Variants in PLD1 observed in about 807,000 individuals in gnomAD.
PLD1 encodes choline phosphatase 1.
PLD1 carries 112 observed loss-of-function variants against 137.1 expected under a neutral mutation model. That is an observed-to-expected ratio of 0.82 (90% CI 0.70 to 0.96). PLD1 has a LOEUF of 0.96. Among genes scored for constraint, PLD1 ranks in the 40% least tolerant of loss-of-function variants. PLD1 has a pLI of 0.00. For missense variants in PLD1, 1,321 were observed against 1,342.0 expected (o/e 0.98, Z 0.24); for synonymous variants, 431 against 454.7 (o/e 0.95, Z 0.66).
chr3:171,781,070 A>T (rs1722778801), intron 1 of PLD1, among the ~76,000 whole-genome samples: 2 of 152,224 alleles, frequency 1.3e-5, no homozygotes, highest in South Asian at 4.1e-4. Context: ...AAGACATCGT[A>T]GTAAGTCTAT....
chr3:171,618,347 T>G (rs1478096659), intron 24 of PLD1, among the ~76,000 whole-genome samples: 1 of 152,240 alleles, frequency 6.6e-6, no homozygotes, highest in Non-Finnish European at 1.5e-5. Context: ...AAAACTAATT[T>G]GTATTTATAC....
intron 11 of PLD1, among the ~76,000 whole-genome samples, chr3:171,701,267 T>C (rs1716213702): frequency 6.6e-6 from 1 of 152,148 alleles, no homozygotes; most frequent in Non-Finnish European, 1.5e-5. Flanking sequence ...TCAAAGGTAA[T>C]CTATGTCCAA....
At chr3:171,607,947 C>T (rs569292505) in intron 25 of PLD1, among the ~76,000 whole-genome samples, 127 of 152,184 alleles carry the variant, frequency 8.3e-4, no homozygotes, top group Non-Finnish European at 1.3e-3. Flanking sequence ...TGGAGTGAAA[C>T]TGCATTTTTT....
intron 23 of PLD1, among the ~76,000 whole-genome samples, chr3:171,637,932 G>A (rs1019079215): frequency 1.2e-4 from 18 of 152,072 alleles, no homozygotes; most frequent in African/African-American, 4.3e-4. Context: ...TGTAATCCCA[G>A]CACTTTGGGA....
Position 171,643,677 on chromosome 3 carries a change from T to C in PLD1, c.2544-788A>G, listed in dbSNP as rs776374814. Among the ~76,000 whole-genome samples the C allele has an allele frequency of 1.2e-3, 180 of 152,182 alleles. 3 individuals carry two copies. Among genetic ancestry groups the C allele is most frequent in the Admixed American group, 3.1e-3 (48 of 15,280 alleles). ...AATTAACAATATTACAAAAATAATATTAGAATGGCGAATGAAATTGATAAA... is the reference window on the plus strand; with the variant it reads ...AATTAACAATATTACAAAAATAATACTAGAATGGCGAATGAAATTGATAAA... On this transcript the variant is annotated intron_variant, in intron 22 of 26. Coordinates refer to ENST00000351298, the MANE Select transcript of PLD1 (RefSeq NM_002662.5).
intron 19 of PLD1, among the ~76,000 whole-genome samples, chr3:171,667,972 G>T (rs914878006): frequency 6.6e-6 from 1 of 152,116 alleles, no homozygotes; most frequent in Non-Finnish European, 1.5e-5. Context: ...CGCTGGTTTC[G>T]AACTCCTGAC....
intron 1 of PLD1, among the ~76,000 whole-genome samples, chr3:171,744,788 A>G (rs947110703): frequency 2.6e-5 from 4 of 152,274 alleles, no homozygotes; most frequent in African/African-American, 9.6e-5. Context: ...GTATGTCATT[A>G]GGATACTTCT....
At chr3:171,618,798 C>T (rs925203865) in intron 24 of PLD1, among the ~76,000 whole-genome samples, 3 of 129,000 alleles carry the variant, frequency 2.3e-5, no homozygotes, top group South Asian at 2.3e-4. Flanking sequence ...TGGCTATAGA[C>T]GAGGAGATAA....
At chr3:171,687,152 G>A (rs981195230) in intron 15 of PLD1, among the ~76,000 whole-genome samples, 4 of 152,174 alleles carry the variant, frequency 2.6e-5, no homozygotes, top group African/African-American at 7.2e-5. Flanking sequence ...AATCGTGGTC[G>A]TTATGACTTT....
chr3:171,621,839 T>A (rs1733664275), intron 23 of PLD1, among the ~76,000 whole-genome samples: 1 of 152,204 alleles, frequency 6.6e-6, no homozygotes, highest in African/African-American at 2.4e-5. Context: ...CCATTTCCTT[T>A]TTTAAGCCCC....
intron 13 of PLD1, among the ~76,000 whole-genome samples, chr3:171,691,991 T>C (rs1190889581): frequency 2.0e-5 from 3 of 152,216 alleles, no homozygotes; most frequent in African/African-American, 7.2e-5. Flanking sequence ...TCAGGGGATG[T>C]CACAGGGAGA....
Position 171,747,137 on chromosome 3 carries a change from GAAACTCCAAGCACATCAGAAGGAAC to G in PLD1, c.-31-9080_-31-9056del, listed in dbSNP as rs1370679187. On this transcript the variant is annotated intron_variant, in intron 1 of 26. Coordinates refer to ENST00000351298, the MANE Select transcript of PLD1 (RefSeq NM_002662.5). ...GAGACCACGAACCCACCAGAAGGAAGAAACTCCAAGCACATCAGAAGGAACAAACTCCGGACACACCATCTTTAAG... is the reference window on the plus strand; with the variant it reads ...GAGACCACGAACCCACCAGAAGGAAGAAACTCCGGACACACCATCTTTAAG... Among the ~76,000 whole-genome samples, 23 of 152,274 alleles carry G rather than the reference GAAACTCCAAGCACATCAGAAGGAAC, an allele frequency of 1.5e-4. 1 individual carries two copies. The highest frequency in any genetic ancestry group is 5.8e-4 in the East Asian group (3 of 5,184).
At chr3:171,628,131 A>C (rs1298594258) in intron 23 of PLD1, among the ~76,000 whole-genome samples, 3 of 151,044 alleles carry the variant, frequency 2.0e-5, no homozygotes, top group African/African-American at 7.4e-5. Context: ...AATAAAGAAG[A>C]AAAGAGAGAA....
At chr3:171,747,997 G>C (rs2108285100) in intron 1 of PLD1, among the ~76,000 whole-genome samples, 1 of 152,290 alleles carries the variant, frequency 6.6e-6, no homozygotes, top group East Asian at 1.9e-4. Context: ...ACAATAGATA[G>C]ATTAAAATTT....
chr3:171,640,955 T>C (rs1410793695), intron 23 of PLD1, among the ~76,000 whole-genome samples: 3 of 152,244 alleles, frequency 2.0e-5, no homozygotes, highest in African/African-American at 4.8e-5. Flanking sequence ...ATACCAGGTT[T>C]TTTAAAAAGT....
At chr3:171,734,994 C>A in intron 4 of PLD1, 24 bp from the exon 5 acceptor site, 2 of 1,257,448 alleles carry the variant, frequency 1.6e-6, no homozygotes, top group Non-Finnish European at 2.3e-6. Context: ...ACACAGAATG[C>A]AAACACCTAC....
intron 1 of PLD1, among the ~76,000 whole-genome samples, chr3:171,771,577 C>T (rs1186475891): frequency 2.0e-5 from 3 of 152,220 alleles, no homozygotes; most frequent in Non-Finnish European, 4.4e-5. Context: ...AGAGAACTCT[C>T]ACTCCCTTCT....
chr3:171,711,314 G>T (rs1717208988), intron 9 of PLD1, among the ~76,000 whole-genome samples: 1 of 151,612 alleles, frequency 6.6e-6, no homozygotes, highest in African/African-American at 2.4e-5. Flanking sequence ...GGGACTACAG[G>T]CGCGCACCAT....
intron 1 of PLD1, among the ~76,000 whole-genome samples, chr3:171,744,466 A>G (rs987012339): frequency 7.2e-5 from 11 of 152,278 alleles, no homozygotes; most frequent in African/African-American, 2.4e-4. Context: ...TGAGCTCCAC[A>G]TCTAGTCTGA....
Sources: gnomAD v4.1 joint callset for allele counts (sites outside exome capture counted in the v4.1 genomes callset) on GRCh38, gnomAD v4.1.1 for gene constraint, MANE v1.5 for transcripts, NCBI Gene and HGNC (gene_info 2026-07-23, HGNC 2026-07-21) for gene names.